Variants in ZNF208 observed in about 807,000 individuals in gnomAD.
ZNF208 encodes zinc finger protein 95.
Under a neutral mutation model 12.1 loss-of-function variants are expected in ZNF208, and 10 were observed. The observed-to-expected ratio is 0.83, with a 90% CI of 0.51 to 1.40. The LOEUF (loss-of-function observed/expected upper bound fraction) is 1.40. ZNF208 is among the 40% of genes most tolerant of loss of function. ZNF208 has a pLI of 0.00. For synonymous variants in ZNF208, 497 were observed against 488.4 expected (o/e 1.02, Z -0.23); for missense variants, 1,652 against 1,485.0 (o/e 1.11, Z -1.85).
intron 1 of ZNF208, chr19:21,991,761 A>G (rs1970741266): frequency 6.6e-6 from 1 of 151,568 alleles, no homozygotes; most frequent in Non-Finnish European, 1.5e-5. Context: ...AAAAAAAAAG[A>G]ATCAATTGCA....
At chr19:21,988,738 A>C (rs767762064) in intron 2 of ZNF208, 45 bp downstream of exon 2, 6 of 1,613,604 alleles carry the variant, frequency 3.7e-6, no homozygotes, top group Non-Finnish European at 4.2e-6. Flanking sequence ...AGCAAAATGA[A>C]ACCTGTAGTG....
chr19:21,952,142 C>G (rs539594707), intron 4 of ZNF208, among the ~76,000 whole-genome samples: 1 of 152,134 alleles, frequency 6.6e-6, no homozygotes, highest in African/African-American at 2.4e-5. Context: ...ACGAAGTGGC[C>G]GGGAAGCTTG....
chr19:21,955,403 G>T (rs1397786936), intron 4 of ZNF208, among the ~76,000 whole-genome samples: 1 of 152,174 alleles, frequency 6.6e-6, no homozygotes, highest in African/African-American at 2.4e-5. Flanking sequence ...AGTTCTCCTG[G>T]ATAATATCCT....
chr19:21,966,594 T>C lies in ZNF208; in HGVS notation c.*4597A>G, dbSNP rs1003887774. On this transcript the variant is annotated 3_prime_UTR_variant, in exon 4 of 4. Coordinates refer to ENST00000397126, the MANE Select transcript of ZNF208 (RefSeq NM_007153.3). ...GAGTGCTGGTGTCTCTTTGGCAAAA[T>C]TATTTATTCTTTTTGGGGGCAGATA... The C allele has an allele frequency of 3.3e-5, 5 of 152,104 alleles. No homozygotes were observed. Among genetic ancestry groups the C allele is most frequent in the Non-Finnish European group, 7.4e-5 (5 of 67,992 alleles). The allele number at this position is 152,104 out of a possible 1,614,324, so 9.4% of individuals were successfully genotyped here.
chr19:21,976,517 T>C (rs1413016834), intron 3 of ZNF208, among the ~76,000 whole-genome samples: 1 of 152,170 alleles, frequency 6.6e-6, no homozygotes, highest in East Asian at 1.9e-4. Context: ...TATTTAAATA[T>C]ATGGAAAGTT....
chr19:21,941,881 T>C (rs1252716136), intron 4 of ZNF208, among the ~76,000 whole-genome samples: 1 of 152,194 alleles, frequency 6.6e-6, no homozygotes, highest in Non-Finnish European at 1.5e-5. Flanking sequence ...TTTTGGACTT[T>C]AGTATGTTAA....
rs998241663 is a variant in ZNF208 at position 21,969,255 on chromosome 19, C to T, written c.*1936G>A. Among the ~76,000 whole-genome samples, 1 of 149,326 alleles carries T rather than the reference C, an allele frequency of 6.7e-6. No homozygotes were observed. The highest frequency in any genetic ancestry group is 2.5e-5 in the African/African-American group (1 of 40,180). Reference sequence around the variant, plus strand: ...CCACCTTGGCATCACAAAGTATTGGCCACAGTAAGCCAATGTGTCTGGAAA... The same window carrying T: ...CCACCTTGGCATCACAAAGTATTGGTCACAGTAAGCCAATGTGTCTGGAAA... On this transcript the variant is annotated 3_prime_UTR_variant, in exon 4 of 4. Transcript: ENST00000397126.
At chr19:22,006,070 C>T (rs1971039354) in intron 1 of ZNF208, among the ~76,000 whole-genome samples, 1 of 152,136 alleles carries the variant, frequency 6.6e-6, no homozygotes, top group Non-Finnish European at 1.5e-5. Context: ...TTATTTTCTT[C>T]CCACAGGCTC....
At chr19:21,948,932 G>T (rs914363865) in intron 4 of ZNF208, among the ~76,000 whole-genome samples, 3 of 152,160 alleles carry the variant, frequency 2.0e-5, no homozygotes, top group African/African-American at 7.2e-5. Context: ...GAGTCCTTGT[G>T]ATCCTATGGA....
At chr19:21,985,796 T>C (rs914221525) in intron 3 of ZNF208, among the ~76,000 whole-genome samples, 2 of 152,190 alleles carry the variant, frequency 1.3e-5, no homozygotes, top group Non-Finnish European at 2.9e-5. Context: ...CTTCTGCCCA[T>C]GTAGAAACCT....
chr19:22,004,984 C>G (rs138654146), intron 1 of ZNF208, among the ~76,000 whole-genome samples: 1,882 of 152,256 alleles, frequency 0.012, 30 homozygotes, highest in African/African-American at 0.042. Flanking sequence ...ACTGGTTTGT[C>G]CTATAGATAG....
rs770262212 is a variant in ZNF208 at position 21,971,054 on chromosome 19, T to C, written c.*137A>G. 1.9e-6 allele frequency: 3 copies of C among 1,611,438 alleles called. No homozygotes were observed. The highest frequency in any genetic ancestry group is 2.5e-6 in the Non-Finnish European group (3 of 1,177,940). ...TGTCTCTCCAGTATGAATTCTCTTA[T>C]GTTCCATAAGGTTTGAGGACCAGTT... On this transcript the variant is annotated 3_prime_UTR_variant, in exon 4 of 4. Transcript: ENST00000397126.
intron 4 of ZNF208, among the ~76,000 whole-genome samples, chr19:21,942,583 C>CT (rs1250570160): frequency 6.6e-6 from 1 of 152,090 alleles, no homozygotes; most frequent in African/African-American, 2.4e-5. Flanking sequence ...CCTGCTCAAC[C>CT]TGTTAATCAG....
rs556100510 is a variant in ZNF208 at position 21,968,464 on chromosome 19, T to C, written c.*2727A>G. 3.9e-5 allele frequency: 6 copies of C among 152,254 alleles called. No homozygotes were observed. Among genetic ancestry groups the C allele is most frequent in the Non-Finnish European group, 8.8e-5 (6 of 67,998 alleles). The allele number at this position is 152,254 out of a possible 1,614,324, so 9.4% of individuals were successfully genotyped here. ...CCCCTACTGTTATTTTTTTTTCTTT[T>C]AATTATCTTTACATGGTGAATCACA... On this transcript the variant is annotated 3_prime_UTR_variant, in exon 4 of 4. Coordinates refer to ENST00000397126, the MANE Select transcript of ZNF208 (RefSeq NM_007153.3).
chr19:21,943,322 A>T (rs1392338827), intron 4 of ZNF208, among the ~76,000 whole-genome samples: 7 of 152,134 alleles, frequency 4.6e-5, no homozygotes, highest in Admixed American at 1.3e-4. Flanking sequence ...ATGTAAATAA[A>T]CAAAAAAATA....
chr19:22,004,241 G>C (rs1971005065), intron 1 of ZNF208, among the ~76,000 whole-genome samples: 2 of 152,006 alleles, frequency 1.3e-5, no homozygotes, highest in African/African-American at 2.4e-5. Context: ...TATGGGCTGG[G>C]TATGGTGGCT....
intron 1 of ZNF208, among the ~76,000 whole-genome samples, chr19:21,992,481 A>C (rs1386710631): frequency 6.6e-6 from 1 of 152,172 alleles, no homozygotes; most frequent in Admixed American, 6.5e-5. Context: ...TTTTTAAAGA[A>C]TTTTCTGGGT....
chr19:21,946,094 G>C (rs1969811932), intron 4 of ZNF208, among the ~76,000 whole-genome samples: 1 of 152,192 alleles, frequency 6.6e-6, no homozygotes, highest in Non-Finnish European at 1.5e-5. Flanking sequence ...TAGTCAGTGG[G>C]CTCCCAGGAA....
intron 4 of ZNF208, among the ~76,000 whole-genome samples, chr19:21,955,649 T>C (rs1268587624): frequency 6.6e-6 from 1 of 152,092 alleles, no homozygotes; most frequent in Non-Finnish European, 1.5e-5. Flanking sequence ...ATGTGTCATG[T>C]AGTTCTTGTG....
Sources: gnomAD v4.1 joint callset for allele counts (sites outside exome capture counted in the v4.1 genomes callset) on GRCh38, gnomAD v4.1.1 for gene constraint, MANE v1.5 for transcripts, NCBI Gene and HGNC (gene_info 2026-07-23, HGNC 2026-07-21) for gene names.